Variants in RBFOX1 observed in about 807,000 individuals in gnomAD.
RBFOX1 encodes the protein RNA binding fox-1 homolog 1.
A neutral mutation model predicts 57.7 loss-of-function variants in RBFOX1; 8 were observed. The observed-to-expected ratio is 0.14, with a 90% CI of 0.08 to 0.25. RBFOX1 has a LOEUF of 0.25. RBFOX1 is among the 10% of genes least tolerant of loss of function. RBFOX1 has a pLI of 1.00. For missense variants in RBFOX1, 611 were observed against 548.5 expected (o/e 1.11, Z -1.14); for synonymous variants, 326 against 222.4 (o/e 1.47, Z -4.15).
chr16:6,754,860 C>T (rs529269722), intron 3 of RBFOX1, among the ~76,000 whole-genome samples: 1 of 152,062 alleles, frequency 6.6e-6, no homozygotes, highest in Non-Finnish European at 1.5e-5. Flanking sequence ...CCCTCTCCCC[C>T]CACCCCACAA....
chr16:6,496,086 A>C (rs537608332), intron 2 of RBFOX1, among the ~76,000 whole-genome samples: 1 of 152,250 alleles, frequency 6.6e-6, no homozygotes, highest in Non-Finnish European at 1.5e-5. Flanking sequence ...AATGTTAACA[A>C]GAAAGATATG....
At chr16:6,049,956 G>GTT (rs3048284) in intron 1 of RBFOX1, among the ~76,000 whole-genome samples, 43,505 of 134,872 alleles carry the variant, frequency 0.32, 7,008 homozygotes, top group Non-Finnish European at 0.36. Flanking sequence ...AGCTTAAAAC[G>GTT]TTTTTTTTTT....
At chr16:5,958,855 C>A (rs1248896507) in intron 4 of RBFOX1, among the ~76,000 whole-genome samples, 1 of 152,162 alleles carries the variant, frequency 6.6e-6, no homozygotes. Flanking sequence ...CCTTGGTTCT[C>A]CTGGCTACCT....
At chr16:5,806,641 A>G (rs2055237762) in intron 3 of RBFOX1, among the ~76,000 whole-genome samples, 1 of 152,192 alleles carries the variant, frequency 6.6e-6, no homozygotes, top group South Asian at 2.1e-4. Flanking sequence ...CAAGCCCAAG[A>G]CAGTGAAACC....
chr16:5,595,950 A>T (rs2047166948), intron 2 of RBFOX1, among the ~76,000 whole-genome samples: 1 of 152,134 alleles, frequency 6.6e-6, no homozygotes, highest in African/African-American at 2.4e-5. Context: ...TCTTGAGAAG[A>T]GCAGATTGAG....
intron 1 of RBFOX1, among the ~76,000 whole-genome samples, chr16:6,310,553 C>G (rs554018469): frequency 1.1e-4 from 16 of 141,988 alleles, no homozygotes; most frequent in Middle Eastern, 3.8e-3. Context: ...ATTATTATAC[C>G]CATTCTATGG....
intron 1 of RBFOX1, among the ~76,000 whole-genome samples, chr16:5,379,235 C>A (rs890692902): frequency 6.6e-6 from 1 of 151,544 alleles, no homozygotes; most frequent in African/African-American, 2.4e-5. Context: ...CATAAAAGTT[C>A]AGGTGAATTT....
intron 2 of RBFOX1, among the ~76,000 whole-genome samples, chr16:6,605,007 A>G (rs1348173171): frequency 6.6e-6 from 1 of 151,932 alleles, no homozygotes; most frequent in Non-Finnish European, 1.5e-5. Flanking sequence ...ATAAATATAA[A>G]TGTATTTATA....
At chr16:5,506,887 A>G (rs2043398448) in intron 2 of RBFOX1, among the ~76,000 whole-genome samples, 1 of 151,710 alleles carries the variant, frequency 6.6e-6, no homozygotes, top group African/African-American at 2.4e-5. Context: ...CTCCATTTGC[A>G]TTTCCCCCTC....
chr16:7,666,014 G>A (rs1042304080), intron 13 of RBFOX1, among the ~76,000 whole-genome samples: 3 of 152,014 alleles, frequency 2.0e-5, no homozygotes, highest in African/African-American at 7.3e-5. Flanking sequence ...TTTTTCCCCC[G>A]TAATAAAATG....
chr16:6,777,223 G>A (rs2079530829), intron 3 of RBFOX1, among the ~76,000 whole-genome samples: 1 of 152,110 alleles, frequency 6.6e-6, no homozygotes, highest in African/African-American at 2.4e-5. Flanking sequence ...AGGTAATTAT[G>A]TGCTAAGAAA....
intron 2 of RBFOX1, among the ~76,000 whole-genome samples, chr16:6,625,007 A>G (rs958100299): frequency 6.6e-6 from 1 of 152,000 alleles, no homozygotes. Flanking sequence ...TCTACTAAAA[A>G]TACAAAAATT....
At position 7,138,126 on chromosome 16, in the gene RBFOX1, A is replaced by G. The variant is rs946626218; in HGVS notation, c.27+86028A>G. Among the ~76,000 whole-genome samples the G allele has an allele frequency of 7.9e-5, 12 of 152,286 alleles. No homozygotes were observed. In the East Asian group the frequency reaches 1.2e-3, roughly 15 times the overall value. On this transcript the variant is annotated intron_variant, in intron 4 of 15. Coordinates refer to ENST00000550418, the MANE Select transcript of RBFOX1 (RefSeq NM_018723.4). ...CGTATCACAGCCAAATCATACAGAA[A>G]GCGCTGTTGACTCAAATAGGGTAAA...
chr16:6,139,638 C>G (rs145834423), intron 1 of RBFOX1, among the ~76,000 whole-genome samples: 302 of 152,334 alleles, frequency 2.0e-3, no homozygotes, highest in African/African-American at 6.2e-3. Flanking sequence ...ACTGCTTTCT[C>G]CTCTCCTCTG....
intron 4 of RBFOX1, among the ~76,000 whole-genome samples, chr16:6,001,077 A>G (rs1315676035): frequency 1.3e-5 from 2 of 152,104 alleles, no homozygotes; most frequent in African/African-American, 4.8e-5. Flanking sequence ...AGATGGGTAG[A>G]TATTTAAATT....
intron 3 of RBFOX1, among the ~76,000 whole-genome samples, chr16:6,773,583 A>C (rs1474799233): frequency 1.2e-5 from 1 of 82,130 alleles, no homozygotes; most frequent in Non-Finnish European, 2.2e-5. Flanking sequence ...TGTGGGGTGC[A>C]TTTGTGTGTG....
At chr16:5,985,089 C>A (rs2060259892) in intron 4 of RBFOX1, among the ~76,000 whole-genome samples, 2 of 149,624 alleles carry the variant, frequency 1.3e-5, no homozygotes, top group Admixed American at 6.7e-5. Flanking sequence ...GGGTTCACAC[C>A]ATTCTCCTGT....
intron 1 of RBFOX1, among the ~76,000 whole-genome samples, chr16:6,109,768 C>G (rs1225083408): frequency 6.6e-6 from 1 of 152,086 alleles, no homozygotes; most frequent in Non-Finnish European, 1.5e-5. Flanking sequence ...TGAAATGCCA[C>G]AGGAATCCTT....
intron 4 of RBFOX1, among the ~76,000 whole-genome samples, chr16:7,444,899 C>A (rs993967357): frequency 7.2e-5 from 11 of 152,188 alleles, no homozygotes; most frequent in Non-Finnish European, 1.6e-4. Flanking sequence ...TAGACAGTTA[C>A]TACGCGTAAC....
Sources: allele counts gnomAD v4.1 joint callset (sites outside exome capture counted in the v4.1 genomes callset), GRCh38; gene constraint gnomAD v4.1.1; transcripts MANE v1.5; gene names NCBI Gene and HGNC (gene_info 2026-07-23, HGNC 2026-07-21).